Variants in PTPRK observed in about 807,000 individuals in gnomAD.
The protein encoded by PTPRK is receptor-type tyrosine-protein phosphatase kappa.
Under a neutral mutation model 178.0 loss-of-function variants are expected in PTPRK, and 75 were observed. The observed-to-expected ratio is 0.42, with a 90% CI of 0.35 to 0.51. The LOEUF (loss-of-function observed/expected upper bound fraction) is 0.51. PTPRK is among the 20% of genes least tolerant of loss of function. PTPRK has a pLI of 0.02. For missense variants in PTPRK, 1,441 were observed against 1,797.8 expected, an observed-to-expected ratio of 0.80 and a Z score of 3.59; for synonymous variants, 637 against 620.6, an observed-to-expected ratio of 1.03 and a Z score of -0.39.
chr6:128,044,968 AT>A (rs1391803228), intron 13 of PTPRK, among the ~76,000 whole-genome samples: 2 of 151,934 alleles, frequency 1.3e-5, no homozygotes, highest in African/African-American at 2.4e-5. Context: ...AGTGTTTAAA[AT>A]TTTTTGTTGA....
At chr6:128,012,482 T>C (rs1265514274) in intron 13 of PTPRK, among the ~76,000 whole-genome samples, 2 of 151,326 alleles carry the variant, frequency 1.3e-5, no homozygotes, top group African/African-American at 4.8e-5. Flanking sequence ...AGCACCTTTT[T>C]CAGAAATGCT....
At position 128,017,800 on chromosome 6, in the gene PTPRK, G is replaced by GTATATATATATA. The variant is rs1383976165; in HGVS notation, c.2195-8533_2195-8532insTATATATATATA. On this transcript the variant is annotated intron_variant, in intron 13 of 29. Coordinates refer to ENST00000368226, the MANE Select transcript of PTPRK (RefSeq NM_002844.4). Reference sequence around the variant, plus strand: ...TATACATATATAAATAAATATATATGTGTATATATATATATATATATATAT... The same window carrying GTATATATATATA: ...TATACATATATAAATAAATATATATGTATATATATATATGTATATATATATATATATATATAT... Among the ~76,000 whole-genome samples, 4 of 30,060 alleles carry GTATATATATATA rather than the reference G, an allele frequency of 1.3e-4. No homozygotes were observed. In the South Asian group the frequency reaches 4.2e-3, roughly 31 times the overall value. 19.7% of individuals were successfully genotyped at this position (30,060 alleles called of 152,430 possible). A position where few individuals can be genotyped will look rare whatever the true frequency, so the allele number is the denominator to read the frequency against.
At chr6:128,072,211 A>G (rs1450893984) in intron 11 of PTPRK, among the ~76,000 whole-genome samples, 2 of 152,030 alleles carry the variant, frequency 1.3e-5, no homozygotes, top group Non-Finnish European at 2.9e-5. Context: ...GGTATCATTA[A>G]TCATTCAATA....
Position 128,150,200 on chromosome 6 carries a change from T to TG in PTPRK, c.1162+34231dup, listed in dbSNP as rs1025674252. Reference sequence around the variant, plus strand: ...AAAACTCCAGGGGTAAGAGTGGGGGTGGGGTCACAGATCTATAATTACTGC... The same window carrying TG: ...AAAACTCCAGGGGTAAGAGTGGGGGTGGGGGTCACAGATCTATAATTACTGC... On this transcript the variant is annotated intron_variant, in intron 7 of 29. Transcript: ENST00000368226. Among the ~76,000 whole-genome samples, 18 of 151,834 alleles carry TG rather than the reference T, an allele frequency of 1.2e-4. 1 individual carries two copies. The highest frequency in any genetic ancestry group is 1.1e-3 in the Admixed American group (16 of 15,226).
intron 1 of PTPRK, among the ~76,000 whole-genome samples, chr6:128,444,248 C>T (rs994059246): frequency 3.3e-5 from 5 of 152,308 alleles, no homozygotes; most frequent in African/African-American, 1.2e-4. Context: ...CAAAATCCTG[C>T]TTATCAGTTT....
chr6:128,422,827 C>G (rs1389165219), intron 1 of PTPRK, among the ~76,000 whole-genome samples: 1 of 151,968 alleles, frequency 6.6e-6, no homozygotes, highest in Non-Finnish European at 1.5e-5. Flanking sequence ...AAAATGACTC[C>G]TCTTCATTCC....
chr6:128,071,043 T>C (rs530744278), intron 11 of PTPRK, among the ~76,000 whole-genome samples: 1 of 151,888 alleles, frequency 6.6e-6, no homozygotes, highest in East Asian at 1.9e-4. Flanking sequence ...CCTGTGACAT[T>C]GTATCCATTA....
At chr6:128,269,675 A>G (rs989406407) in intron 3 of PTPRK, among the ~76,000 whole-genome samples, 1 of 152,072 alleles carries the variant, frequency 6.6e-6, no homozygotes, top group African/African-American at 2.4e-5. Flanking sequence ...AGAATGGCAT[A>G]TAGAAATCCA....
chr6:128,300,113 G>A (rs939106313), intron 3 of PTPRK, among the ~76,000 whole-genome samples: 4 of 152,104 alleles, frequency 2.6e-5, no homozygotes, highest in Admixed American at 6.6e-5. Flanking sequence ...CCAAAAACAC[G>A]TGAAAAAATG....
At chr6:128,518,379 A>C (rs1367497463) in intron 1 of PTPRK, among the ~76,000 whole-genome samples, 3 of 152,354 alleles carry the variant, frequency 2.0e-5, no homozygotes, top group Non-Finnish European at 4.4e-5. Flanking sequence ...CTGGAGGAAA[A>C]GTAGTATTTA....
chr6:128,068,341 T>G (rs2114945642), intron 11 of PTPRK, among the ~76,000 whole-genome samples: 1 of 152,308 alleles, frequency 6.6e-6, no homozygotes, highest in African/African-American at 2.4e-5. Flanking sequence ...TATGTAGATC[T>G]AAAATACAAG....
intron 7 of PTPRK, among the ~76,000 whole-genome samples, chr6:128,136,749 A>G (rs562089181): frequency 1.3e-4 from 20 of 152,258 alleles, no homozygotes; most frequent in Middle Eastern, 6.8e-3. Flanking sequence ...ACAAGGGTGG[A>G]GCTATACTTA....
At chr6:128,422,692 A>AC (rs1360119614) in intron 1 of PTPRK, among the ~76,000 whole-genome samples, 2 of 150,768 alleles carry the variant, frequency 1.3e-5, no homozygotes, top group Non-Finnish European at 3.0e-5. Flanking sequence ...AAAAAAAAAA[A>AC]AAAAAAAAAA....
chr6:128,297,203 A>G (rs1437484092), intron 3 of PTPRK, among the ~76,000 whole-genome samples: 6 of 152,120 alleles, frequency 3.9e-5, no homozygotes, highest in Non-Finnish European at 4.4e-5. Context: ...CACCCAACAC[A>G]GGAGCACCCA....
At chr6:128,031,153 A>G (rs1292021738) in intron 13 of PTPRK, among the ~76,000 whole-genome samples, 1 of 152,228 alleles carries the variant, frequency 6.6e-6, no homozygotes, top group African/African-American at 2.4e-5. Context: ...CAGAAATAAG[A>G]TACCACAGCC....
intron 7 of PTPRK, among the ~76,000 whole-genome samples, chr6:128,153,494 T>C (rs2114571228): frequency 6.6e-6 from 1 of 152,130 alleles, no homozygotes; most frequent in Non-Finnish European, 1.5e-5. Context: ...AAAAAGTGTT[T>C]TCCAGATTTT....
At chr6:128,054,835 G>A (rs931995334) in intron 13 of PTPRK, among the ~76,000 whole-genome samples, 8 of 152,116 alleles carry the variant, frequency 5.3e-5, no homozygotes, top group Admixed American at 1.3e-4. Context: ...AATGAACCAC[G>A]GACTAGGGGT....
At chr6:128,079,928 C>T (rs2114990806) in intron 10 of PTPRK, among the ~76,000 whole-genome samples, 1 of 151,810 alleles carries the variant, frequency 6.6e-6, no homozygotes, top group Non-Finnish European at 1.5e-5. Flanking sequence ...GCCCCTCTAC[C>T]CTAGAGTTTC....
intron 1 of PTPRK, among the ~76,000 whole-genome samples, chr6:128,469,336 A>C (rs1160872249): frequency 6.6e-6 from 1 of 152,226 alleles, no homozygotes; most frequent in African/African-American, 2.4e-5. Flanking sequence ...CTCGGCTTCC[A>C]ATAACCTAAA....
Sources: allele counts gnomAD v4.1 joint callset (sites outside exome capture counted in the v4.1 genomes callset), GRCh38; gene constraint gnomAD v4.1.1; transcripts MANE v1.5; gene names NCBI Gene and HGNC (gene_info 2026-07-23, HGNC 2026-07-21).